DYSF: variants seen among roughly 807,000 people sequenced by gnomAD.
DYSF encodes the protein dysferlin.
In DYSF, 212 loss-of-function variants were observed where a neutral mutation model predicts 274.9. The observed-to-expected ratio is 0.77, with a 90% CI of 0.69 to 0.86. The LOEUF is 0.86. Ranked by LOEUF, DYSF falls within the 40% of genes least tolerant of loss-of-function variation. The pLI is 0.00. For missense variants in DYSF, 2,666 were observed against 2,783.2 expected (o/e 0.96, Z 0.95); for synonymous variants, 1,091 against 1,078.7 (o/e 1.01, Z -0.22).
intron 10 of DYSF, among the ~76,000 whole-genome samples, chr2:71,519,811 G>GTTTTTTTTTTTT (rs70959241): frequency 9.8e-5 from 10 of 102,274 alleles, no homozygotes; most frequent in Admixed American, 3.5e-4. Flanking sequence ...CACCCGGCTA[G>GTTTTTTTTTTTT]TTTTTTTTTT....
intron 3 of DYSF, among the ~76,000 whole-genome samples, chr2:71,495,093 T>C (rs76912970): frequency 0.052 from 7,893 of 151,760 alleles, 255 homozygotes; most frequent in African/African-American, 0.11. Flanking sequence ...ATGTGGGGGG[T>C]GATAGGTGTA....
intron 41 of DYSF, among the ~76,000 whole-genome samples, chr2:71,642,578 C>A (rs1184055406): frequency 6.6e-6 from 1 of 152,172 alleles, no homozygotes; most frequent in African/African-American, 2.4e-5. Flanking sequence ...TGTTTCCTCT[C>A]TCCTGGCTGC....
At chr2:71,658,424 C>T (rs187156286) in intron 43 of DYSF, among the ~76,000 whole-genome samples, 64 of 152,328 alleles carry the variant, frequency 4.2e-4, no homozygotes, top group African/African-American at 8.2e-4. Context: ...GTTCCAAAGT[C>T]GCTTCCACAT....
chr2:71,530,272 G>A (rs1361434259), intron 14 of DYSF, among the ~76,000 whole-genome samples: 2 of 152,214 alleles, frequency 1.3e-5, no homozygotes, highest in Non-Finnish European at 2.9e-5. Flanking sequence ...ACACTTGGGG[G>A]AATTCACGTC....
chr2:71,648,099 T>A (rs546186796), intron 42 of DYSF, among the ~76,000 whole-genome samples: 5 of 152,288 alleles, frequency 3.3e-5, no homozygotes, highest in Non-Finnish European at 5.9e-5. Context: ...GTAGCCTGAA[T>A]TCAAAAATCC....
At chr2:71,540,114 C>CTTTTTTTTTT (rs565221959) in intron 17 of DYSF, among the ~76,000 whole-genome samples, 4 of 133,772 alleles carry the variant, frequency 3.0e-5, no homozygotes, top group Non-Finnish European at 4.8e-5. Context: ...CTTTTTTTTT[C>CTTTTTTTTTT]TTTTTTTTTT....
intron 33 of DYSF, among the ~76,000 whole-genome samples, chr2:71,599,510 GA>G (rs1406914365): frequency 3.9e-5 from 6 of 152,248 alleles, no homozygotes; most frequent in Non-Finnish European, 8.8e-5. Flanking sequence ...AAGCCTTTGG[GA>G]AAGACCCAGG....
intron 30 of DYSF, among the ~76,000 whole-genome samples, chr2:71,576,616 C>A (rs557506963): frequency 6.6e-6 from 1 of 152,204 alleles, no homozygotes; most frequent in Non-Finnish European, 1.5e-5. Context: ...CTGACACACA[C>A]GGTGAAGTGC....
At chr2:71,528,608 G>A (rs1178690071) in intron 14 of DYSF, among the ~76,000 whole-genome samples, 1 of 152,178 alleles carries the variant, frequency 6.6e-6, no homozygotes, top group Admixed American at 6.5e-5. Context: ...GGTCTGCCTG[G>A]GGGTGTCCCA....
At position 71,622,130 on chromosome 2, in the gene DYSF, G is replaced by GTGTTTTTTT. The variant is rs775688599; in HGVS notation, c.4527+1522_4527+1523insGTTTTTTTT. ...ATATGTCCATTCAGATGATTTCTTTGTTTTTTTTTTTTTTTTGTTACGCCC... is the reference window on the plus strand; with the variant it reads ...ATATGTCCATTCAGATGATTTCTTTGTGTTTTTTTTTTTTTTTTTTTTTTTGTTACGCCC... On this transcript the variant is annotated intron_variant, in intron 41 of 55. Coordinates refer to ENST00000410020, the MANE Select transcript of DYSF (RefSeq NM_001130987.2). Among the ~76,000 whole-genome samples, 501 of 96,980 alleles carry GTGTTTTTTT rather than the reference G, an allele frequency of 5.2e-3. 8 individuals carry two copies. The highest frequency in any genetic ancestry group is 0.019 in the African/African-American group (483 of 25,506). 63.6% of individuals were successfully genotyped at this position (96,980 alleles called of 152,430 possible). A position where few individuals can be genotyped will look rare whatever the true frequency, so the allele number is the denominator to read the frequency against.
At chr2:71,602,574 A>G (rs758657973) in intron 35 of DYSF, 1 of 556,356 alleles carries the variant, frequency 1.8e-6, no homozygotes, top group Non-Finnish European at 3.3e-6. Context: ...TTTCCCAGGG[A>G]CCACTTTAGG....
chr2:71,498,754 G>C (rs997366312), intron 3 of DYSF, among the ~76,000 whole-genome samples: 5 of 152,204 alleles, frequency 3.3e-5, no homozygotes, highest in Admixed American at 2.0e-4. Flanking sequence ...CTATGCCCAG[G>C]AATGAATAAG....
At chr2:71,541,038 AC>A (rs2089882636) in intron 17 of DYSF, among the ~76,000 whole-genome samples, 1 of 152,200 alleles carries the variant, frequency 6.6e-6, no homozygotes, top group Admixed American at 6.5e-5. Flanking sequence ...TTTATCACCT[AC>A]TAAATTCCTA....
intron 30 of DYSF, among the ~76,000 whole-genome samples, chr2:71,580,769 T>A (rs1218030130): frequency 6.6e-6 from 1 of 152,238 alleles, no homozygotes; most frequent in Non-Finnish European, 1.5e-5. Context: ...CTCTTCCTAC[T>A]GCCCCTCAGT....
intron 17 of DYSF, chr2:71,549,273 C>A: frequency 6.9e-7 from 1 of 1,443,384 alleles, no homozygotes; most frequent in Non-Finnish European, 9.6e-7. Context: ...AGCTCTCCAT[C>A]CACAGCCTGT....
At chr2:71,502,441 AG>A (rs1157152396) in intron 3 of DYSF, among the ~76,000 whole-genome samples, 3 of 152,240 alleles carry the variant, frequency 2.0e-5, no homozygotes, top group African/African-American at 7.2e-5. Context: ...ACCAGGCGAC[AG>A]GTTCCTACAG....
At position 71,528,095 on chromosome 2, in the gene DYSF, T is replaced by G. The variant is rs114889812; in HGVS notation, c.1277-203T>G. 8.2e-3 allele frequency among the ~76,000 whole-genome samples: 1,247 copies of G among 152,284 alleles called. 13 individuals carry two copies. The highest frequency in any genetic ancestry group is 0.027 in the African/African-American group (1,128 of 41,560). ...AGTGAACTGAGCTGTTTGGGACTGGTGACAAAGTGGCCCGGAGCTCTCAGG... is the reference window on the plus strand; with the variant it reads ...AGTGAACTGAGCTGTTTGGGACTGGGGACAAAGTGGCCCGGAGCTCTCAGG... On this transcript the variant is annotated intron_variant, in intron 13 of 55. Transcript: ENST00000410020.
At chr2:71,553,747 A>AGGCCCAAACC in intron 20 of DYSF, 60 bp from the exon 21 acceptor site, 1 of 872,684 alleles carries the variant, frequency 1.1e-6, no homozygotes, top group Non-Finnish European at 1.8e-6. Context: ...CACTCTTAGC[A>AGGCCCAAACC]CCCCATCCCA....
At chr2:71,482,522 T>C (rs1258892102) in intron 3 of DYSF, among the ~76,000 whole-genome samples, 1 of 152,064 alleles carries the variant, frequency 6.6e-6, no homozygotes, top group Non-Finnish European at 1.5e-5. Flanking sequence ...GAGTTTTTCA[T>C]GTACCTAGTG....
Sources: gnomAD v4.1 joint callset for allele counts (sites outside exome capture counted in the v4.1 genomes callset) on GRCh38, gnomAD v4.1.1 for gene constraint, MANE v1.5 for transcripts, NCBI Gene and HGNC (gene_info 2026-07-23, HGNC 2026-07-21) for gene names.